Variants in CDH3 observed in about 807,000 individuals in gnomAD.
CDH3 encodes the protein cadherin-3.
In CDH3, 54 loss-of-function variants were observed where a neutral mutation model predicts 82.0. The observed-to-expected ratio is 0.66, with a 90% CI of 0.53 to 0.83. CDH3 has a LOEUF of 0.83. Among genes scored for constraint, CDH3 ranks in the 40% least tolerant of loss-of-function variants. The pLI is 0.00. For synonymous variants in CDH3, 446 were observed against 437.9 expected, an observed-to-expected ratio of 1.02 and a Z score of -0.23; for missense variants, 1,054 against 1,084.6, an observed-to-expected ratio of 0.97 and a Z score of 0.40.
chr16:68,733,049 T>A, the CDH3 span, among the ~76,000 whole-genome samples: 3 of 152,120 alleles, frequency 2.0e-5, no homozygotes, highest in African/African-American at 7.2e-5. Flanking sequence ...AGAGGGCTAA[T>A]CACTCACCTT....
chr16:68,710,631 G>C (rs1435970901), intron 1 of CDH3, among the ~76,000 whole-genome samples: 3 of 150,740 alleles, frequency 2.0e-5, no homozygotes, highest in African/African-American at 7.3e-5. Flanking sequence ...GCCGAGGCAG[G>C]CGGATCGCTT....
chr16:68,655,150 T>A (rs980731548), intron 2 of CDH3, among the ~76,000 whole-genome samples: 1 of 152,320 alleles, frequency 6.6e-6, no homozygotes, highest in East Asian at 1.9e-4. Flanking sequence ...GTGCTAGGAT[T>A]ACAGGTGTGA....
chr16:68,672,419 T>C (rs1266786699), intron 2 of CDH3, among the ~76,000 whole-genome samples: 2 of 152,130 alleles, frequency 1.3e-5, no homozygotes, highest in Non-Finnish European at 2.9e-5. Context: ...AGTGCCCCCA[T>C]AGATTATTTG....
chr16:68,672,178 G>A (rs1478509111), intron 2 of CDH3, among the ~76,000 whole-genome samples: 1 of 139,590 alleles, frequency 7.2e-6, no homozygotes, highest in African/African-American at 2.7e-5. Flanking sequence ...GGGCGACAGC[G>A]AGACTCCGTC....
intron 12 of CDH3, 119 bp downstream of exon 12, chr16:68,687,855 TCTC>T (rs1039368315): frequency 6.7e-6 from 5 of 746,386 alleles, no homozygotes; most frequent in Admixed American, 2.0e-5. Context: ...GGGACAATGA[TCTC>T]CTCTAGAACC....
intron 2 of CDH3, among the ~76,000 whole-genome samples, chr16:68,654,585 C>T (rs1317314211): frequency 7.1e-6 from 1 of 140,668 alleles, no homozygotes; most frequent in African/African-American, 2.6e-5. Flanking sequence ...TGCCTGTAAT[C>T]CCAGCTACTT....
rs1301116676 is a variant in CDH3, at chr16:68,659,067, G to C, written c.160+13317G>C. 2.6e-5 allele frequency among the ~76,000 whole-genome samples: 4 copies of C among 152,150 alleles called. No homozygotes were observed. The South Asian group carries it at 6.2e-4, about 24-fold the overall frequency. On this transcript the variant is annotated intron_variant, in intron 2 of 15. Coordinates refer to ENST00000264012, the MANE Select transcript of CDH3 (RefSeq NM_001793.6). Reference sequence around the variant, plus strand: ...AGATAAAGTTCTTAGTACTTTATATGCATCAGCTCATTTAATCCTCAAACA... The same window carrying C: ...AGATAAAGTTCTTAGTACTTTATATCCATCAGCTCATTTAATCCTCAAACA...
In CDH3 at chr16:68,676,498, AAAAG is replaced by A. The variant is rs562980302; in HGVS notation, c.246+34_246+37del. 127 of 1,559,838 alleles carry A rather than the reference AAAAG, an allele frequency of 8.1e-5. No homozygotes were observed. In the African/African-American group the frequency reaches 1.4e-3, roughly 17 times the overall value. ...AAAATACCATGTCCACCTGCAGGAC[AAAAG>A]AAAGATGTTCTCTGTGCATGCCCAA... On this transcript the variant is annotated intron_variant, in intron 3 of 15. Transcript: ENST00000264012.
chr16:68,727,300 C>G (rs1962229783), exon 3 of CDH3, among the ~76,000 whole-genome samples: 1 of 152,204 alleles, frequency 6.6e-6, no homozygotes, highest in African/African-American at 2.4e-5. Context: ...CTACCAGCTT[C>G]CTGGTTCTCC....
rs868428771 is a variant in CDH3, at chr16:68,684,823, A to C, written c.1423A>C (p.Ser475Arg). 9 of 1,614,154 alleles carry C rather than the reference A, an allele frequency of 5.6e-6. No homozygotes were observed. In the Middle Eastern group the frequency reaches 1.5e-3, roughly 266 times the overall value. ...CCCTGACAAGGAGAATCAAAAGATC[A>C]GGTACTCAGGAGCTGGGCTCAGTAA... ...EDPDKENQKI[S>R]YRILRDPAGW... is the part of the protein sequence containing the mutation. The change falls in exon 10 of 16, where the codon AGC (serine) becomes CGC (arginine). Residue 475 changes from serine to arginine, a missense_variant and splice_region_variant. Ser to Arg is a moderately radical substitution (Grantham distance 110). Transcript: ENST00000264012.
intron 2 of CDH3, chr16:68,651,040 T>G: frequency 4.9e-6 from 2 of 409,048 alleles, no homozygotes; most frequent in Admixed American, 3.1e-5. Flanking sequence ...GTAGCTGGCC[T>G]CCTCCTGGTA....
At chr16:68,731,839 A>C (rs900905487), downstream of CDH3, among the ~76,000 whole-genome samples, 19 of 152,140 alleles carry the variant, frequency 1.2e-4, 1 homozygote, top group African/African-American at 4.3e-4. Flanking sequence ...TCCTGTCTCA[A>C]AAACAAACAA....
At position 68,678,994 on chromosome 16, in the gene CDH3, G is replaced by C. The variant is rs1023370568; in HGVS notation, c.691+88G>C. 12 of 1,389,602 alleles carry C rather than the reference G, an allele frequency of 8.6e-6. No individual in the cohort carries two copies. In the African/African-American group the frequency reaches 1.7e-4, roughly 20 times the overall value. The allele number at this position is 1,389,602 out of a possible 1,614,324, so 86.1% of individuals were successfully genotyped here. ...CCCACCATACCTGATTTCCTTGGCT[G>C]TGTATCAGATTACTTGGGATCTTCT... On this transcript the variant is annotated intron_variant, in intron 6 of 15. Transcript: ENST00000264012.
chr16:68,721,959 G>C (rs569494612), intron 1 of CDH3, among the ~76,000 whole-genome samples: 37 of 152,088 alleles, frequency 2.4e-4, no homozygotes, highest in Non-Finnish European at 4.1e-4. Flanking sequence ...GTGTGTGGCG[G>C]GTGCCTGTAA....
chr16:68,664,896 C>T (rs1390779796), intron 2 of CDH3, among the ~76,000 whole-genome samples: 2 of 152,042 alleles, frequency 1.3e-5, no homozygotes, highest in Non-Finnish European at 2.9e-5. Context: ...GTGACCCACC[C>T]GCCTTGGCCT....
chr16:68,651,297 G>C (rs199963829), intron 2 of CDH3: 1 of 549,334 alleles, frequency 1.8e-6, no homozygotes, highest in Non-Finnish European at 3.7e-6. Flanking sequence ...GAGCCGTCAT[G>C]CCCATGTGGC....
rs146171735 is a variant in CDH3, at chr16:68,688,513, G to A, written c.1795+777G>A. ...TGAGACAGAAGAATCGCTTGAAGCC[G>A]GGAGGCGGAAGTTGCAGTGAGCCGT... is the stretch of plus-strand genomic sequence containing the variant. On this transcript the variant is annotated intron_variant, in intron 12 of 15. Coordinates refer to ENST00000264012, the MANE Select transcript of CDH3 (RefSeq NM_001793.6). Among the ~76,000 whole-genome samples the A allele has an allele frequency of 4.9e-3, 752 of 152,256 alleles. 11 individuals are homozygous for A. Among genetic ancestry groups the A allele is most frequent in the African/African-American group, 0.017 (697 of 41,576 alleles).
At chr16:68,662,445 G>A (rs937388637) in intron 2 of CDH3, among the ~76,000 whole-genome samples, 1 of 152,004 alleles carries the variant, frequency 6.6e-6, no homozygotes, top group African/African-American at 2.4e-5. Flanking sequence ...CTCCAGCCTG[G>A]ACCATATAGT....
chr16:68,673,673 C>G (rs1407653181), intron 2 of CDH3, among the ~76,000 whole-genome samples: 2 of 152,156 alleles, frequency 1.3e-5, no homozygotes, highest in Non-Finnish European at 2.9e-5. Context: ...CTCCTGTAAT[C>G]CCAGCACTTT....
Sources: allele counts gnomAD v4.1 joint callset (sites outside exome capture counted in the v4.1 genomes callset), GRCh38; gene constraint gnomAD v4.1.1; transcripts MANE v1.5; gene names NCBI Gene and HGNC (gene_info 2026-07-23, HGNC 2026-07-21).